LTBP1: variants seen among roughly 807,000 people sequenced by gnomAD.
LTBP1 encodes latent-transforming growth factor beta-binding protein 1.
LTBP1 carries 129 observed loss-of-function variants against 207.6 expected under a neutral mutation model. The ratio of observed to expected loss-of-function variants is 0.62; its 90% CI spans 0.54 to 0.72. LTBP1 has a LOEUF of 0.72. Ranked by LOEUF, LTBP1 falls within the 30% of genes least tolerant of loss-of-function variation. LTBP1 has a pLI of 0.00. For missense variants in LTBP1, 2,281 were observed against 2,217.2 expected, an observed-to-expected ratio of 1.03 and a Z score of -0.58; for synonymous variants, 963 against 833.7, an observed-to-expected ratio of 1.16 and a Z score of -2.67.
chr2:33,349,305 CCGGG>C (rs2094747548), intron 26 of LTBP1, among the ~76,000 whole-genome samples: 2 of 152,110 alleles, frequency 1.3e-5, no homozygotes, highest in East Asian at 3.9e-4. Flanking sequence ...GAAAAATTAG[CCGGG>C]AGTGGAGGCA....
chr2:33,341,269 G>A (rs752607143), intron 24 of LTBP1, among the ~76,000 whole-genome samples: 17 of 152,176 alleles, frequency 1.1e-4, no homozygotes, highest in Middle Eastern at 3.4e-3. Flanking sequence ...TAGGATCCAG[G>A]GGAGGAATAA....
chr2:33,386,527 A>G (rs1301599627), intron 31 of LTBP1, among the ~76,000 whole-genome samples: 1 of 152,188 alleles, frequency 6.6e-6, no homozygotes, highest in African/African-American at 2.4e-5. Flanking sequence ...ATTTCACTTT[A>G]TAAAATAAGT....
At chr2:33,232,759 G>C (rs973005444) in intron 9 of LTBP1, among the ~76,000 whole-genome samples, 1 of 152,012 alleles carries the variant, frequency 6.6e-6, no homozygotes, top group Non-Finnish European at 1.5e-5. Context: ...GTATTTTGAG[G>C]TTATATTCTT....
chr2:33,146,638 G>C (rs757388025), intron 5 of LTBP1, among the ~76,000 whole-genome samples: 1 of 152,218 alleles, frequency 6.6e-6, no homozygotes, highest in Non-Finnish European at 1.5e-5. Context: ...TCCGCAAGCT[G>C]TACAGGAAGC....
At chr2:32,973,113 T>TG (rs1056763129) in intron 2 of LTBP1, among the ~76,000 whole-genome samples, 5 of 134,818 alleles carry the variant, frequency 3.7e-5, no homozygotes, top group African/African-American at 1.3e-4. Context: ...ATGTCTATTC[T>TG]GTTTTTTTTG....
chr2:33,139,077 C>G (rs1388660427), intron 5 of LTBP1, among the ~76,000 whole-genome samples: 1 of 151,602 alleles, frequency 6.6e-6, no homozygotes, highest in Non-Finnish European at 1.5e-5. Flanking sequence ...CCAGGATGGT[C>G]TCCATCTCCT....
Position 32,996,250 on chromosome 2 carries a change from G to A in LTBP1, c.566-24659G>A, listed in dbSNP as rs972442320. Among the ~76,000 whole-genome samples the A allele has an allele frequency of 2.6e-5, 4 of 152,146 alleles. No individual in the cohort carries two copies. The South Asian group carries it at 8.3e-4, about 32-fold the overall frequency. ...CCAGCTGCTTCAGTGTCTGGTGAAG[G>A]CCTGCTTCCTAGACGGCCATCTTTT... On this transcript the variant is annotated intron_variant, in intron 2 of 33. Transcript: ENST00000404816.
At chr2:33,079,307 A>T (rs1482257521) in intron 3 of LTBP1, among the ~76,000 whole-genome samples, 1 of 152,128 alleles carries the variant, frequency 6.6e-6, no homozygotes, top group African/African-American at 2.4e-5. Context: ...GCTGTGATGG[A>T]GAGTATCACA....
At chr2:32,969,229 T>TTG (rs201873946) in intron 2 of LTBP1, among the ~76,000 whole-genome samples, 16,669 of 130,826 alleles carry the variant, frequency 0.13, 1,257 homozygotes, top group East Asian at 0.52. Context: ...CCTGGCCAAT[T>TTG]TGTGTGTGTG....
Position 32,956,957 on chromosome 2 carries a change from T to A in LTBP1, c.565+8012T>A, listed in dbSNP as rs189338123. ...GTGCATAGTCAGTGAGGAGTAATAT[T>A]TTGAAAAGAACCTTTCTGAGCAATA... On this transcript the variant is annotated intron_variant, in intron 2 of 33. Coordinates refer to ENST00000404816, the MANE Select transcript of LTBP1 (RefSeq NM_206943.4). Among the ~76,000 whole-genome samples, 3 of 152,306 alleles carry A rather than the reference T, an allele frequency of 2.0e-5. No homozygotes were observed. The East Asian group carries it at 5.8e-4, about 29-fold the overall frequency.
intron 32 of LTBP1, among the ~76,000 whole-genome samples, chr2:33,389,956 A>G (rs1438744554): frequency 6.6e-6 from 1 of 152,194 alleles, no homozygotes; most frequent in Non-Finnish European, 1.5e-5. Context: ...TAATTTCTAT[A>G]ACAAAATCAT....
chr2:33,063,599 A>G (rs1200690786), intron 3 of LTBP1, among the ~76,000 whole-genome samples: 1 of 152,140 alleles, frequency 6.6e-6, no homozygotes, highest in Non-Finnish European at 1.5e-5. Context: ...GTAAATTTTG[A>G]TAGCTATAAA....
In LTBP1 at chr2:33,300,512, C is replaced by G. The variant is rs778224775; in HGVS notation, c.3297C>G (p.Gly1099=). 14 of 1,613,686 alleles carry G rather than the reference C, an allele frequency of 8.7e-6. No homozygotes were observed. The highest frequency in any genetic ancestry group is 1.7e-5 in the Admixed American group (1 of 59,992). The change falls in exon 21 of 34, where the codon GGC becomes GGG. Residue 1099 remains glycine, a synonymous_variant. Transcript: ENST00000404816. ...ACGGGCAGTGCAAAAATACCGAGGG[C>G]TCCTTCAGGTGCACCTGTGGACAGG... ...CVNGQCKNTE[G]SFRCTCGQGY... is the part of the protein sequence containing the mutation.
chr2:33,382,554 GAT>G (rs936488440), intron 31 of LTBP1, among the ~76,000 whole-genome samples: 9 of 152,106 alleles, frequency 5.9e-5, no homozygotes, highest in African/African-American at 2.2e-4. Context: ...TCGTCTCTGT[GAT>G]CCTGATAAGT....
At chr2:33,396,808 T>C (rs1304908713) in intron 32 of LTBP1, among the ~76,000 whole-genome samples, 3 of 152,210 alleles carry the variant, frequency 2.0e-5, no homozygotes, top group African/African-American at 7.2e-5. Flanking sequence ...TACTGCAAAC[T>C]CACGAAGTTT....
At chr2:33,301,118 A>G (rs1234735687) in intron 21 of LTBP1, among the ~76,000 whole-genome samples, 1 of 152,152 alleles carries the variant, frequency 6.6e-6, no homozygotes, top group Non-Finnish European at 1.5e-5. Flanking sequence ...GCTAGGGTTG[A>G]CCTTAGACTT....
At chr2:33,123,810 CATTA>C (rs767235606) in intron 4 of LTBP1, among the ~76,000 whole-genome samples, 14 of 152,096 alleles carry the variant, frequency 9.2e-5, no homozygotes, top group Non-Finnish European at 1.8e-4. Context: ...ACTTTATATG[CATTA>C]ATTAAGTATG....
intron 13 of LTBP1, among the ~76,000 whole-genome samples, chr2:33,260,711 C>A (rs1260263815): frequency 6.6e-6 from 1 of 152,172 alleles, no homozygotes; most frequent in Non-Finnish European, 1.5e-5. Context: ...AAGCTCTTAG[C>A]ATCTCTAAAG....
chr2:33,101,440 T>G (rs1467700941), intron 3 of LTBP1, among the ~76,000 whole-genome samples: 1 of 152,206 alleles, frequency 6.6e-6, no homozygotes, highest in East Asian at 1.9e-4. Context: ...CTAGATATTT[T>G]CACCCATCAT....
Sources: allele counts gnomAD v4.1 joint callset (sites outside exome capture counted in the v4.1 genomes callset), GRCh38; gene constraint gnomAD v4.1.1; transcripts MANE v1.5; gene names NCBI Gene and HGNC (gene_info 2026-07-23, HGNC 2026-07-21).